RNF220: variants seen among roughly 807,000 people sequenced by gnomAD.
RNF220 encodes E3 ubiquitin-protein ligase RNF220.
In RNF220, 7 loss-of-function variants were observed where a neutral mutation model predicts 67.1. The ratio of observed to expected loss-of-function variants is 0.10; its 90% CI spans 0.06 to 0.20. The LOEUF is 0.20. Among genes scored for constraint, RNF220 ranks in the 10% least tolerant of loss-of-function variants. RNF220 has a pLI of 1.00. For synonymous variants in RNF220, 270 were observed against 283.2 expected, an observed-to-expected ratio of 0.95 and a Z score of 0.47; for missense variants, 565 against 740.3, an observed-to-expected ratio of 0.76 and a Z score of 2.75.
chr1:44,527,951 A>AAAAAG (rs1660524690), intron 2 of RNF220, among the ~76,000 whole-genome samples: 2 of 144,244 alleles, frequency 1.4e-5, no homozygotes, highest in Admixed American at 6.9e-5. Context: ...AAAAAAAAAA[A>AAAAAG]GTTAAATGCA....
At chr1:44,411,939 A>T in intron 1 of RNF220, 42 bp from the exon 2 acceptor site, 12 of 664,210 alleles carry the variant, frequency 1.8e-5, no homozygotes, top group Non-Finnish European at 2.2e-5. Context: ...CCTCCCCCTG[A>T]CTTTCCTCCC....
chr1:44,492,770 G>A lies in RNF220; in HGVS notation c.625+80048G>A, dbSNP rs1656965260. On this transcript the variant is annotated intron_variant, in intron 2 of 14. Transcript: ENST00000361799. The stretch of plus-strand genomic sequence containing the variant: ...GTTGCCTAGGGCTGGGGTGAGGGGA[G>A]GATTGGGGGTGACTGTTTAAAGGTA... Among the ~76,000 whole-genome samples, 9 of 152,214 alleles carry A rather than the reference G, an allele frequency of 5.9e-5. No homozygotes were observed. In the South Asian group the frequency reaches 1.9e-3, roughly 32 times the overall value.
intron 2 of RNF220, among the ~76,000 whole-genome samples, chr1:44,494,614 A>G (rs916669432): frequency 6.6e-6 from 1 of 152,272 alleles, no homozygotes; most frequent in South Asian, 2.1e-4. Flanking sequence ...AAAAAGATAC[A>G]GAACACTAGA....
chr1:44,546,627 A>G (rs1002131648), intron 2 of RNF220, among the ~76,000 whole-genome samples: 9 of 152,152 alleles, frequency 5.9e-5, no homozygotes, highest in African/African-American at 2.2e-4. Context: ...CCTGCGTTAC[A>G]GGATCATGTT....
At chr1:44,586,460 G>C (rs1213210221) in intron 2 of RNF220, among the ~76,000 whole-genome samples, 1 of 152,196 alleles carries the variant, frequency 6.6e-6, no homozygotes, top group Admixed American at 6.5e-5. Context: ...CAGGAGCGCT[G>C]AGGAAGAGCC....
intron 2 of RNF220, among the ~76,000 whole-genome samples, chr1:44,425,500 G>C (rs1288032698): frequency 6.6e-6 from 1 of 152,132 alleles, no homozygotes; most frequent in Non-Finnish European, 1.5e-5. Flanking sequence ...GGCCACACAG[G>C]ATCCACCACA....
intron 2 of RNF220, among the ~76,000 whole-genome samples, chr1:44,464,145 A>G (rs1654054648): frequency 6.6e-6 from 1 of 152,238 alleles, no homozygotes; most frequent in Admixed American, 6.5e-5. Context: ...TGCCACAACA[A>G]CATTGTATAA....
At chr1:44,430,205 GA>G (rs1232733293) in intron 2 of RNF220, among the ~76,000 whole-genome samples, 32 of 152,276 alleles carry the variant, frequency 2.1e-4, no homozygotes, top group African/African-American at 6.0e-4. Context: ...TAGGTAGGAA[GA>G]AGCGAGTAAG....
At chr1:44,558,117 C>A (rs918891568) in intron 2 of RNF220, among the ~76,000 whole-genome samples, 1 of 152,204 alleles carries the variant, frequency 6.6e-6, no homozygotes, top group East Asian at 1.9e-4. Context: ...TTGCCAGAAC[C>A]GTGGCTGACC....
intron 2 of RNF220, among the ~76,000 whole-genome samples, chr1:44,458,030 G>C (rs1653378049): frequency 6.6e-6 from 1 of 151,976 alleles, no homozygotes; most frequent in Admixed American, 6.6e-5. Flanking sequence ...GCTGAGGTGG[G>C]AGGATTGCTT....
In RNF220 at chr1:44,622,960, G is replaced by A. The variant is rs777314340; in HGVS notation, c.804+173G>A. Among the ~76,000 whole-genome samples, 47 of 152,032 alleles carry A rather than the reference G, an allele frequency of 3.1e-4. No homozygotes were observed. The highest frequency in any genetic ancestry group is 3.4e-3 in the Middle Eastern group (1 of 294). ...TCATCCTGAGGCCTAGGGCTGCGCC[G>A]TGTGTGTGTGTAAGTGTGTGTGGTC... On this transcript the variant is annotated intron_variant, in intron 4 of 14. Coordinates refer to ENST00000361799, the MANE Select transcript of RNF220 (RefSeq NM_018150.4). The surrounding 1 kb of genome is among the most constrained non-coding windows in gnomAD (Gnocchi z 4.3).
In RNF220 at chr1:44,537,226, T is replaced by C. The variant is rs183537219; in HGVS notation, c.626-76939T>C. Among the ~76,000 whole-genome samples, 106 of 152,290 alleles carry C rather than the reference T, an allele frequency of 7.0e-4. 1 individual carries two copies. In the East Asian group the frequency reaches 0.012, roughly 17 times the overall value. On this transcript the variant is annotated intron_variant, in intron 2 of 14. Coordinates refer to ENST00000361799, the MANE Select transcript of RNF220 (RefSeq NM_018150.4). ...GTGGTCTACAACCAACCCCTTCTTG[T>C]ATCAGACCTCTAAACTTGATAGAGT...
At position 44,479,211 on chromosome 1, in the gene RNF220, G is replaced by C. The variant is rs540427916; in HGVS notation, c.625+66489G>C. Among the ~76,000 whole-genome samples the C allele has an allele frequency of 4.6e-5, 7 of 151,750 alleles. No individual in the cohort carries two copies. The South Asian group carries it at 6.2e-4, about 14-fold the overall frequency. On this transcript the variant is annotated intron_variant, in intron 2 of 14. Transcript: ENST00000361799. The stretch of plus-strand genomic sequence containing the variant: ...GCTCACTGCAACCTCCGCCTCCCGG[G>C]TTCACGCCATTCTCCTGCCTCAGCC...
chr1:44,412,203 C>T lies in RNF220; in HGVS notation c.106C>T (p.Arg36Cys), dbSNP rs1191372684. ...MVLASTAEAS[R>C]DASIPCQQPR... The stretch of plus-strand genomic sequence containing the variant: ...CCTGGCATCCACGGCTGAGGCCAGC[C>T]GTGATGCTTCCATCCCTTGTCAGCA... Residue 36 changes from arginine (R) to cysteine (C), a missense_variant, in exon 2 of 15, where the codon CGT (arginine) becomes TGT (cysteine). By Grantham distance (180) the Arg-to-Cys change is radical. Coordinates refer to ENST00000361799, the MANE Select transcript of RNF220 (RefSeq NM_018150.4). The surrounding 1 kb of genome is among the most constrained non-coding windows in gnomAD (Gnocchi z 5.3). 4.3e-6 allele frequency: 7 copies of T among 1,614,180 alleles called. No homozygotes were observed. Among genetic ancestry groups the T allele is most frequent in the Non-Finnish European group, 5.9e-6 (7 of 1,180,026 alleles).
intron 2 of RNF220, among the ~76,000 whole-genome samples, chr1:44,574,558 C>A (rs1055309679): frequency 6.6e-6 from 1 of 152,216 alleles, no homozygotes; most frequent in Non-Finnish European, 1.5e-5. Flanking sequence ...AGTTCACCAG[C>A]CCCAAAGCCC....
chr1:44,649,509 A>T lies in RNF220; in HGVS notation c.1446-152A>T. On this transcript the variant is annotated intron_variant, in intron 12 of 14. Coordinates refer to ENST00000361799, the MANE Select transcript of RNF220 (RefSeq NM_018150.4). The surrounding 1 kb of genome is among the most constrained non-coding windows in gnomAD (Gnocchi z 5.9). ...TGAGGAGTTTAGTTCTGGAATGTGG[A>T]ATTTGCAGATTCAGGTTATCAGAGA... The T allele has an allele frequency of 4.4e-6, 3 of 682,942 alleles. No individual in the cohort carries two copies. Among genetic ancestry groups the T allele is most frequent in the Non-Finnish European group, 7.7e-6 (3 of 389,674 alleles). 42.3% of individuals were successfully genotyped at this position (682,942 alleles called of 1,614,324 possible).
intron 2 of RNF220, among the ~76,000 whole-genome samples, chr1:44,509,378 A>C (rs1658738620): frequency 6.6e-6 from 1 of 151,692 alleles, no homozygotes. Context: ...GTGAAACCCC[A>C]CCTCTACTAA....
intron 2 of RNF220, among the ~76,000 whole-genome samples, chr1:44,530,122 C>T (rs1423231231): frequency 1.3e-5 from 2 of 151,262 alleles, no homozygotes; most frequent in East Asian, 1.9e-4. Context: ...TGAGTATAAA[C>T]GTTTAGGTAT....
chr1:44,583,513 G>A (rs773871440), intron 2 of RNF220, among the ~76,000 whole-genome samples: 7 of 152,172 alleles, frequency 4.6e-5, no homozygotes, highest in Non-Finnish European at 1.0e-4. Context: ...TATTCCAAAT[G>A]TTTTGACCTA....
Sources: allele counts gnomAD v4.1 joint callset (sites outside exome capture counted in the v4.1 genomes callset), GRCh38; gene constraint gnomAD v4.1.1; non-coding constraint Gnocchi (gnomAD v3.1); transcripts MANE v1.5; gene names NCBI Gene and HGNC (gene_info 2026-07-23, HGNC 2026-07-21).